ATAD2B: variants seen among roughly 807,000 people sequenced by gnomAD.
The protein encoded by ATAD2B is ATPase family AAA domain-containing protein 2B.
A neutral mutation model predicts 167.6 loss-of-function variants in ATAD2B; 40 were observed. The ratio of observed to expected loss-of-function variants is 0.24; its 90% CI spans 0.19 to 0.31. The LOEUF (loss-of-function observed/expected upper bound fraction) is 0.31, where lower values mean the gene tolerates loss of function less well. Ranked by LOEUF, ATAD2B falls within the 10% of genes least tolerant of loss-of-function variation. The probability of loss-of-function intolerance (pLI) is 1.00; values close to 1 mark genes in which losing one functional copy is unlikely to be tolerated. For missense variants in ATAD2B, 1,242 were observed against 1,757.2 expected (o/e 0.71, Z 5.24); for synonymous variants, 579 against 596.5 (o/e 0.97, Z 0.43).
chr2:23,813,396 T>G (rs1685931934), intron 17 of ATAD2B, among the ~76,000 whole-genome samples: 1 of 150,316 alleles, frequency 6.7e-6, no homozygotes, highest in Admixed American at 6.6e-5. Context: ...TGTATAAGAA[T>G]TTATATTTTC....
intron 8 of ATAD2B, chr2:23,872,268 AG>A (rs1696106221): frequency 4.3e-6 from 2 of 466,678 alleles, no homozygotes; most frequent in Non-Finnish European, 8.2e-6. Flanking sequence ...AAGAGCAGGA[AG>A]CCACAGCTTC....
chr2:23,864,099 G>A (rs569132661), intron 11 of ATAD2B, among the ~76,000 whole-genome samples: 1 of 151,582 alleles, frequency 6.6e-6, no homozygotes, highest in South Asian at 2.1e-4. Flanking sequence ...CCGCTTCCTG[G>A]GTTCAACTGA....
At chr2:23,733,898 C>A in the ATAD2B span, among the ~76,000 whole-genome samples, 1 of 152,144 alleles carries the variant, frequency 6.6e-6, no homozygotes, top group Non-Finnish European at 1.5e-5. Flanking sequence ...TTCTTCCTTA[C>A]TTTGCTTTAT....
At chr2:23,773,315 G>A (rs961184434) in intron 22 of ATAD2B, among the ~76,000 whole-genome samples, 2 of 152,142 alleles carry the variant, frequency 1.3e-5, no homozygotes, top group Non-Finnish European at 2.9e-5. Context: ...AGACAAGCCT[G>A]AGCAACATAG....
At chr2:23,926,275 C>A (rs1558820045) in intron 1 of ATAD2B, among the ~76,000 whole-genome samples, 1 of 152,226 alleles carries the variant, frequency 6.6e-6, no homozygotes, top group Admixed American at 6.5e-5. Context: ...AGGACACGGA[C>A]AGCAGATCGT....
chr2:23,680,760 T>C, the ATAD2B span, among the ~76,000 whole-genome samples: 512 of 142,926 alleles, frequency 3.6e-3, 9 homozygotes, highest in East Asian at 0.016. This position sits in a 1 kb window ranked among gnomAD's most constrained non-coding sequence, Gnocchi z 4.1. Flanking sequence ...GGCCATCTTC[T>C]CCTGGGGTCT....
chr2:23,753,437 C>T (rs1321692670), intron 27 of ATAD2B, among the ~76,000 whole-genome samples: 1 of 152,082 alleles, frequency 6.6e-6, no homozygotes, highest in African/African-American at 2.4e-5. Flanking sequence ...AACAAACTAA[C>T]AGGCAAATCA....
At chr2:23,893,687 C>T (rs1379167112) in intron 2 of ATAD2B, among the ~76,000 whole-genome samples, 4 of 104,012 alleles carry the variant, frequency 3.8e-5, no homozygotes, top group South Asian at 3.3e-4. Context: ...TTTTTTTTTA[C>T]GAAGACAGGT....
At chr2:23,829,023 G>A in intron 14 of ATAD2B, 84 bp from the exon 15 acceptor site, 1 of 855,994 alleles carries the variant, frequency 1.2e-6, no homozygotes, top group Non-Finnish European at 1.8e-6. Flanking sequence ...AAATACGTTA[G>A]GTGGAACAAA....
chr2:23,921,205 C>CAAAAAAAAAAAA (rs61004964), intron 1 of ATAD2B, among the ~76,000 whole-genome samples: 2 of 32,284 alleles, frequency 6.2e-5, no homozygotes, highest in Non-Finnish European at 1.0e-4. Flanking sequence ...GACTCCATCT[C>CAAAAAAAAAAAA]AAAAAAAAAA....
At chr2:23,844,884 T>C (rs932311913) in intron 13 of ATAD2B, among the ~76,000 whole-genome samples, 7 of 151,010 alleles carry the variant, frequency 4.6e-5, no homozygotes, top group African/African-American at 1.7e-4. Flanking sequence ...AGAAGCTCAA[T>C]TCAAGAATGA....
chr2:23,832,397 G>T, intron 14 of ATAD2B: 1 of 300,302 alleles, frequency 3.3e-6, no homozygotes, highest in Non-Finnish European at 6.8e-6. Flanking sequence ...AAGTTAATGT[G>T]GAAAACGATG....
chr2:23,888,744 T>C (rs1273539892), intron 2 of ATAD2B, among the ~76,000 whole-genome samples: 2 of 152,194 alleles, frequency 1.3e-5, no homozygotes, highest in Non-Finnish European at 2.9e-5. Flanking sequence ...TTGGTTTTGG[T>C]TGATGAAATA....
rs869117334 is a variant in ATAD2B at position 23,823,920 on chromosome 2, C to CT, written c.1820-352dup. Among the ~76,000 whole-genome samples, 773 of 144,488 alleles carry CT rather than the reference C, an allele frequency of 5.3e-3. 8 individuals carry two copies. Among genetic ancestry groups the CT allele is most frequent in the East Asian group, 0.038 (192 of 5,014 alleles). 94.8% of individuals were successfully genotyped at this position (144,488 alleles called of 152,430 possible). A position where few individuals can be genotyped will look rare whatever the true frequency, so the allele number is the denominator to read the frequency against. ...GTGATTAACTGATTACAATGTACAA[C>CT]TTTTTTTTTTTTTTAAGAGACAGGG... On this transcript the variant is annotated intron_variant, in intron 15 of 27. Coordinates refer to ENST00000238789, the MANE Select transcript of ATAD2B (RefSeq NM_017552.4).
Position 23,773,396 on chromosome 2 carries a change from G to A in ATAD2B, c.3134-7768C>T, listed in dbSNP as rs777640057. ...TGGCTCATGTGGTCCCGGCTATTCA[G>A]GAGACTGAAGTGGGAAGATTACTTG... On this transcript the variant is annotated intron_variant, in intron 22 of 27. Transcript: ENST00000238789. 1.1e-4 allele frequency among the ~76,000 whole-genome samples: 16 copies of A among 152,212 alleles called. 1 individual carries two copies. In the Middle Eastern group the frequency reaches 0.01, roughly 97 times the overall value.
intron 1 of ATAD2B, among the ~76,000 whole-genome samples, chr2:23,909,524 A>G (rs1200381086): frequency 6.6e-6 from 1 of 151,962 alleles, no homozygotes; most frequent in Non-Finnish European, 1.5e-5. Flanking sequence ...CACATTGCAC[A>G]TGTACCTATG....
Position 23,870,285 on chromosome 2 carries a change from C to CTTTTTTTTT in ATAD2B, c.978-533_978-525dup, listed in dbSNP as rs5829912. On this transcript the variant is annotated intron_variant, in intron 8 of 27. Coordinates refer to ENST00000238789, the MANE Select transcript of ATAD2B (RefSeq NM_017552.4). ...ATTCAGGAAGGGAGTCAGTAACCAACTTTTTTTTTTTTTTTTTTTGAGACA... is the reference window on the plus strand; with the variant it reads ...ATTCAGGAAGGGAGTCAGTAACCAACTTTTTTTTTTTTTTTTTTTTTTTTTTTTGAGACA... 1.1e-3 allele frequency among the ~76,000 whole-genome samples: 112 copies of CTTTTTTTTT among 105,636 alleles called. 1 individual carries two copies. Among genetic ancestry groups the CTTTTTTTTT allele is most frequent in the Non-Finnish European group, 1.2e-3 (65 of 55,992 alleles). The allele number at this position is 105,636 out of a possible 152,430, so 69.3% of individuals were successfully genotyped here. A position where few individuals can be genotyped will look rare whatever the true frequency, so the allele number is the denominator to read the frequency against.
intron 2 of ATAD2B, among the ~76,000 whole-genome samples, chr2:23,892,400 G>A (rs1428492283): frequency 6.6e-6 from 1 of 151,706 alleles, no homozygotes; most frequent in Non-Finnish European, 1.5e-5. Flanking sequence ...TCCTGACCTC[G>A]TGATCCGCCC....
At chr2:23,886,660 G>A (rs1433314065) in intron 4 of ATAD2B, among the ~76,000 whole-genome samples, 1 of 152,152 alleles carries the variant, frequency 6.6e-6, no homozygotes. Context: ...GGCCGGGAGC[G>A]GTGGCTCACG....
Sources: gnomAD v4.1 joint callset for allele counts (sites outside exome capture counted in the v4.1 genomes callset) on GRCh38, gnomAD v4.1.1 for gene constraint, Gnocchi (gnomAD v3.1) non-coding constraint, MANE v1.5 for transcripts, NCBI Gene and HGNC (gene_info 2026-07-23, HGNC 2026-07-21) for gene names.